MCPH1: variants seen among roughly 807,000 people sequenced by gnomAD.
The protein encoded by MCPH1 is microcephalin 1, also known as microcephalin.
Under a neutral mutation model 84.5 loss-of-function variants are expected in MCPH1, and 104 were observed. The observed-to-expected ratio is 1.23, with a 90% CI of 1.05 to 1.45. MCPH1 has a LOEUF of 1.45. Ranked by LOEUF, MCPH1 falls within the 40% of genes most tolerant of loss-of-function variation. MCPH1 has a pLI of 0.00. For missense variants in MCPH1, 1,498 were observed against 1,005.7 expected (o/e 1.49, Z -6.62); for synonymous variants, 514 against 366.8 (o/e 1.40, Z -4.58).
chr8:6,474,403 C>A, intron 9 of MCPH1: 1 of 272,382 alleles, frequency 3.7e-6, no homozygotes, highest in South Asian at 6.0e-5. Flanking sequence ...TCTGTGGGGT[C>A]AAAACTAATT....
At chr8:6,537,745 A>G (rs1820770102) in intron 12 of MCPH1, among the ~76,000 whole-genome samples, 1 of 152,116 alleles carries the variant, frequency 6.6e-6, no homozygotes, top group Non-Finnish European at 1.5e-5. Context: ...GATTGTCATC[A>G]TTATTTTTTA....
intron 12 of MCPH1, among the ~76,000 whole-genome samples, chr8:6,577,799 C>T (rs1406042529): frequency 1.3e-5 from 2 of 152,224 alleles, no homozygotes; most frequent in Admixed American, 6.5e-5. Context: ...CTTCAATGAC[C>T]TTGTAGCCTA....
chr8:6,451,143 A>G (rs1418440646), intron 8 of MCPH1, among the ~76,000 whole-genome samples: 1 of 152,226 alleles, frequency 6.6e-6, no homozygotes, highest in African/African-American at 2.4e-5. Context: ...ATAATTCACA[A>G]GTGTATTAAG....
chr8:6,572,943 G>A (rs538919812), intron 12 of MCPH1, among the ~76,000 whole-genome samples: 2 of 152,346 alleles, frequency 1.3e-5, no homozygotes, highest in South Asian at 4.1e-4. Flanking sequence ...ACTTATTTAA[G>A]AAGAACATAC....
chr8:6,418,617 T>A (rs1025460007), intron 3 of MCPH1, among the ~76,000 whole-genome samples: 1 of 152,198 alleles, frequency 6.6e-6, no homozygotes, highest in Non-Finnish European at 1.5e-5. Flanking sequence ...GGAGTCTCGC[T>A]CTGTCGCCAG....
chr8:6,628,469 CAAAAAAAAAA>C (rs34188003), intron 13 of MCPH1, among the ~76,000 whole-genome samples: 1 of 41,582 alleles, frequency 2.4e-5, no homozygotes, highest in African/African-American at 7.5e-5. Flanking sequence ...GACTCTGTCT[CAAAAAAAAAA>C]AAAAAAAAAA....
At chr8:6,475,977 G>A (rs118021770) in intron 9 of MCPH1, among the ~76,000 whole-genome samples, 10 of 152,134 alleles carry the variant, frequency 6.6e-5, no homozygotes, top group Non-Finnish European at 4.4e-5. Flanking sequence ...GGTGGAAGCT[G>A]TCGAGGGAAA....
At chr8:6,633,770 G>A (rs1264877679) in intron 13 of MCPH1, among the ~76,000 whole-genome samples, 3 of 152,178 alleles carry the variant, frequency 2.0e-5, no homozygotes, top group Non-Finnish European at 2.9e-5. Flanking sequence ...ACGTGGGGCC[G>A]AGAACTCCAT....
intron 12 of MCPH1, among the ~76,000 whole-genome samples, chr8:6,546,977 T>C (rs1482957452): frequency 6.6e-6 from 1 of 152,198 alleles, no homozygotes; most frequent in Non-Finnish European, 1.5e-5. Flanking sequence ...TCCTGTCTTC[T>C]TTCAGGTGAA....
intron 11 of MCPH1, chr8:6,494,653 A>C (rs372653963): frequency 6.6e-6 from 1 of 152,260 alleles, no homozygotes; most frequent in Non-Finnish European, 1.5e-5. Context: ...CACAAAAAGC[A>C]CATGTTGTAT....
chr8:6,639,556 A>C (rs1476854426), intron 13 of MCPH1, among the ~76,000 whole-genome samples: 1 of 152,072 alleles, frequency 6.6e-6, no homozygotes, highest in East Asian at 1.9e-4. Flanking sequence ...CTAGCTACTC[A>C]GGACGTCAAG....
rs113021924 is a variant in MCPH1 at position 6,646,869 on chromosome 8, T to A, written c.*3820T>A. 1 of 152,060 alleles carries A rather than the reference T, an allele frequency of 6.6e-6. No homozygotes were observed. The highest frequency in any genetic ancestry group is 6.5e-5 in the Admixed American group (1 of 15,268). 9.4% of individuals were successfully genotyped at this position (152,060 alleles called of 1,614,324 possible). Reference sequence around the variant, plus strand: ...AAAATAAAATGTACAGAAGAAAGCATAGCAGGAAATCATTCTGACCTCAGG... The same window carrying A: ...AAAATAAAATGTACAGAAGAAAGCAAAGCAGGAAATCATTCTGACCTCAGG... On this transcript the variant is annotated 3_prime_UTR_variant, in exon 14 of 14. Coordinates refer to ENST00000344683, the MANE Select transcript of MCPH1 (RefSeq NM_024596.5).
intron 2 of MCPH1, among the ~76,000 whole-genome samples, chr8:6,414,084 A>C (rs530809404): frequency 6.6e-5 from 10 of 151,834 alleles, no homozygotes; most frequent in African/African-American, 2.2e-4. Context: ...AATTTTTCCA[A>C]CTTTTTGAAT....
At chr8:6,469,617 T>C (rs901260540) in intron 9 of MCPH1, among the ~76,000 whole-genome samples, 1 of 152,230 alleles carries the variant, frequency 6.6e-6, no homozygotes, top group African/African-American at 2.4e-5. Context: ...GTTATCTCCT[T>C]ATTTTACTTA....
intron 12 of MCPH1, among the ~76,000 whole-genome samples, chr8:6,591,627 A>G (rs186830869): frequency 6.6e-6 from 1 of 152,182 alleles, no homozygotes; most frequent in Non-Finnish European, 1.5e-5. Context: ...TGGGTGAGGT[A>G]CCGTATTCCA....
rs758866928 is a variant in MCPH1 at position 6,444,381 on chromosome 8, A to G, written c.671-12A>G. On this transcript the variant is annotated splice_polypyrimidine_tract_variant and intron_variant, in intron 7 of 13. Coordinates refer to ENST00000344683, the MANE Select transcript of MCPH1 (RefSeq NM_024596.5). ...CACTTTTAAAAGTTAGCTCTCCGTT[A>G]ATGTTTTCCAGATGAATACTTTGCT... The G allele has an allele frequency of 6.2e-7, 1 of 1,613,984 alleles. No homozygotes were observed. The highest frequency in any genetic ancestry group is 1.7e-5 in the Admixed American group (1 of 60,022).
intron 3 of MCPH1, among the ~76,000 whole-genome samples, chr8:6,427,334 A>G (rs999199039): frequency 1.3e-5 from 2 of 152,140 alleles, no homozygotes; most frequent in African/African-American, 2.4e-5. Flanking sequence ...GTTAGGTTAC[A>G]CTGGATGTAT....
chr8:6,569,002 T>A (rs556277332), intron 12 of MCPH1, among the ~76,000 whole-genome samples: 1 of 152,244 alleles, frequency 6.6e-6, no homozygotes, highest in Admixed American at 6.5e-5. Context: ...CTCGGGACTC[T>A]TGGGCGCCTG....
chr8:6,627,656 C>T (rs1015971354), intron 13 of MCPH1, among the ~76,000 whole-genome samples: 4 of 152,084 alleles, frequency 2.6e-5, no homozygotes, highest in Admixed American at 1.3e-4. Flanking sequence ...TTTAGGAGGC[C>T]GAGGCGGGTG....
Sources: gnomAD v4.1 joint callset for allele counts (sites outside exome capture counted in the v4.1 genomes callset) on GRCh38, gnomAD v4.1.1 for gene constraint, MANE v1.5 for transcripts, NCBI Gene and HGNC (gene_info 2026-07-23, HGNC 2026-07-21) for gene names.